NFIA: variants seen among roughly 807,000 people sequenced by gnomAD.
NFIA encodes the protein nuclear factor I A.
In NFIA, 8 loss-of-function variants were observed where a neutral mutation model predicts 62.8. That is an observed-to-expected ratio of 0.13 (90% CI 0.07 to 0.23). The LOEUF (loss-of-function observed/expected upper bound fraction) is 0.23, where lower values mean the gene tolerates loss of function less well. Among genes scored for constraint, NFIA ranks in the 10% least tolerant of loss-of-function variants. NFIA has a pLI of 1.00. For missense variants in NFIA, 410 were observed against 642.1 expected, an observed-to-expected ratio of 0.64 and a Z score of 3.91; for synonymous variants, 235 against 238.1, an observed-to-expected ratio of 0.99 and a Z score of 0.12.
chr1:61,282,587 G>A (rs1658203423), intron 3 of NFIA, among the ~76,000 whole-genome samples: 1 of 152,086 alleles, frequency 6.6e-6, no homozygotes, highest in African/African-American at 2.4e-5. Flanking sequence ...CTTAATTCAA[G>A]GCACACTTCT....
rs562801037 is a variant in NFIA at position 61,267,045 on chromosome 1, C to G, written c.560-10475C>G. ...TAAATAGCCAAGAAGGGACTCAAAC[C>G]CAGGTTTTCTTTTATCATGCCTTTT... is the stretch of plus-strand genomic sequence containing the variant. On this transcript the variant is annotated intron_variant, in intron 2 of 10. Transcript: ENST00000403491. Among the ~76,000 whole-genome samples, 5 of 152,240 alleles carry G rather than the reference C, an allele frequency of 3.3e-5. No individual in the cohort carries two copies. In the East Asian group the frequency reaches 9.7e-4, roughly 29 times the overall value.
chr1:61,396,635 T>TA (rs1665283161), intron 7 of NFIA, among the ~76,000 whole-genome samples: 1 of 152,110 alleles, frequency 6.6e-6, no homozygotes, highest in South Asian at 2.1e-4. Context: ...AGGGAAATGA[T>TA]AGAGATTTCC....
intron 2 of NFIA, among the ~76,000 whole-genome samples, chr1:61,122,423 G>A (rs187668877): frequency 1.6e-4 from 25 of 152,228 alleles, no homozygotes; most frequent in African/African-American, 5.5e-4. Flanking sequence ...GAGTTTGCAC[G>A]GTGTTGCTGA....
At chr1:61,279,881 A>G (rs545981700) in intron 3 of NFIA, among the ~76,000 whole-genome samples, 1 of 152,340 alleles carries the variant, frequency 6.6e-6, no homozygotes, top group African/African-American at 2.4e-5. Context: ...ATACTAGCCA[A>G]GTTCACTTTT....
intron 2 of NFIA, among the ~76,000 whole-genome samples, chr1:61,242,338 T>G (rs1266735962): frequency 6.6e-6 from 1 of 152,108 alleles, no homozygotes; most frequent in Non-Finnish European, 1.5e-5. Flanking sequence ...GTTGGTTCAT[T>G]GTGCTGGCTG....
chr1:61,333,058 CACACACACAT>C (rs1215203941), intron 4 of NFIA, among the ~76,000 whole-genome samples: 3 of 148,802 alleles, frequency 2.0e-5, no homozygotes, highest in East Asian at 2.0e-4. Context: ...CACACACACA[CACACACACAT>C]ACACACACAC....
chr1:61,378,602 AAC>A (rs1664262250), intron 6 of NFIA, among the ~76,000 whole-genome samples: 2 of 152,180 alleles, frequency 1.3e-5, no homozygotes, highest in South Asian at 2.1e-4. Context: ...AACTTGAAGC[AAC>A]ACACAGTTAT....
intron 2 of NFIA, among the ~76,000 whole-genome samples, chr1:61,096,725 GTA>G (rs1298315350): frequency 6.6e-6 from 1 of 151,330 alleles, no homozygotes; most frequent in African/African-American, 2.4e-5. Flanking sequence ...GCTAATTTTT[GTA>G]TTTTGAGTGG....
intron 10 of NFIA, among the ~76,000 whole-genome samples, chr1:61,432,310 G>C (rs1222680517): frequency 6.6e-6 from 1 of 150,646 alleles, no homozygotes; most frequent in African/African-American, 2.4e-5. Context: ...CCCTGGACCA[G>C]ATAAAATTAG....
chr1:61,227,342 C>CT (rs1654396257), intron 2 of NFIA, among the ~76,000 whole-genome samples: 1 of 150,384 alleles, frequency 6.6e-6, no homozygotes, highest in Non-Finnish European at 1.5e-5. Context: ...TGAGCTGTTT[C>CT]ATAATTTATC....
intron 2 of NFIA, among the ~76,000 whole-genome samples, chr1:61,110,242 G>T (rs1646672503): frequency 6.7e-6 from 1 of 150,056 alleles, no homozygotes; most frequent in Admixed American, 6.7e-5. Flanking sequence ...GCACACATTT[G>T]TCTACTTGTT....
chr1:61,421,646 G>T (rs554341884), intron 9 of NFIA, among the ~76,000 whole-genome samples: 1 of 152,078 alleles, frequency 6.6e-6, no homozygotes, highest in Non-Finnish European at 1.5e-5. Flanking sequence ...TCCTAGCTGC[G>T]GCCAGAGGAG....
At chr1:61,417,207 A>C (rs1237108316) in intron 9 of NFIA, among the ~76,000 whole-genome samples, 1 of 151,576 alleles carries the variant, frequency 6.6e-6, no homozygotes, top group Admixed American at 6.6e-5. Flanking sequence ...AAGCATAAAA[A>C]AGAAAATTAT....
At chr1:61,240,360 A>G (rs187499151) in intron 2 of NFIA, among the ~76,000 whole-genome samples, 19 of 152,182 alleles carry the variant, frequency 1.2e-4, no homozygotes, top group Non-Finnish European at 2.2e-4. Context: ...TCAAATAACA[A>G]AAATAACAGT....
intron 2 of NFIA, among the ~76,000 whole-genome samples, chr1:61,164,776 C>G (rs529284646): frequency 1.3e-5 from 2 of 152,036 alleles, no homozygotes; most frequent in East Asian, 1.9e-4. Flanking sequence ...CTCAAGCTTT[C>G]TAGCCTCTAC....
At chr1:61,116,371 C>T (rs921017637) in intron 2 of NFIA, among the ~76,000 whole-genome samples, 6 of 152,168 alleles carry the variant, frequency 3.9e-5, no homozygotes, top group Admixed American at 6.5e-5. Context: ...AAAACATGGG[C>T]ATAGAAAGTT....
chr1:61,201,724 C>T (rs1324168059), intron 2 of NFIA, among the ~76,000 whole-genome samples: 2 of 152,016 alleles, frequency 1.3e-5, no homozygotes, highest in African/African-American at 4.8e-5. Flanking sequence ...TTAGACAAAG[C>T]GAAGGCAGTG....
intron 3 of NFIA, among the ~76,000 whole-genome samples, chr1:61,309,986 C>CT (rs1660012159): frequency 6.6e-6 from 1 of 152,156 alleles, no homozygotes; most frequent in African/African-American, 2.4e-5. Context: ...TCTCTTTTAA[C>CT]TTTTTAATAA....
intron 2 of NFIA, among the ~76,000 whole-genome samples, chr1:61,136,735 C>T (rs1647199235): frequency 6.6e-6 from 1 of 151,230 alleles, no homozygotes; most frequent in Non-Finnish European, 1.5e-5. Flanking sequence ...CAATTATGGG[C>T]TGACTTGGAA....
Sources: gnomAD v4.1 joint callset for allele counts (sites outside exome capture counted in the v4.1 genomes callset) on GRCh38, gnomAD v4.1.1 for gene constraint, MANE v1.5 for transcripts, NCBI Gene and HGNC (gene_info 2026-07-23, HGNC 2026-07-21) for gene names.